Variants in QTMAN observed in about 807,000 individuals in gnomAD.
QTMAN encodes the protein tRNA-queuosine alpha-mannosyltransferase.
the QTMAN span, among the ~76,000 whole-genome samples, chr2:144,315,111 C>G: frequency 3.1e-4 from 47 of 152,180 alleles, no homozygotes; most frequent in Admixed American, 1.8e-3. Flanking sequence ...GTCTCAAACT[C>G]CGACCTCAGG....
the QTMAN span, among the ~76,000 whole-genome samples, chr2:143,953,469 C>G: frequency 6.6e-6 from 1 of 151,834 alleles, no homozygotes; most frequent in East Asian, 1.9e-4. Context: ...ATTCAGCTCA[C>G]TTTCCATTTT....
the QTMAN span, among the ~76,000 whole-genome samples, chr2:144,014,210 T>C: frequency 3.9e-5 from 6 of 152,186 alleles, no homozygotes; most frequent in African/African-American, 7.2e-5. Context: ...CACATGTCTA[T>C]GAAGGATGTT....
chr2:144,212,291 T>C, the QTMAN span, among the ~76,000 whole-genome samples: 1 of 152,068 alleles, frequency 6.6e-6, no homozygotes, highest in African/African-American at 2.4e-5. Context: ...GGTGAAAGCC[T>C]GTCTCTATGA....
the QTMAN span, among the ~76,000 whole-genome samples, chr2:144,322,841 T>A: frequency 6.6e-6 from 1 of 152,308 alleles, no homozygotes; most frequent in African/African-American, 2.4e-5. Flanking sequence ...AAATATTGGC[T>A]CACTGAGTTA....
At chr2:144,037,167 A>G in the QTMAN span, among the ~76,000 whole-genome samples, 1 of 152,192 alleles carries the variant, frequency 6.6e-6, no homozygotes. Context: ...AGTGATGGAA[A>G]TATTTTATGT....
the QTMAN span, among the ~76,000 whole-genome samples, chr2:144,235,418 A>G: frequency 4.6e-5 from 7 of 152,166 alleles, no homozygotes; most frequent in African/African-American, 1.7e-4. Flanking sequence ...AATATACATT[A>G]AAAGAAAAGT....
At chr2:143,940,024 C>T in the QTMAN span, 1 of 152,202 alleles carries the variant, frequency 6.6e-6, no homozygotes, top group African/African-American at 2.4e-5. Flanking sequence ...ATCCTACCTC[C>T]CCATTCCACT....
chr2:144,135,284 G>C, the QTMAN span, among the ~76,000 whole-genome samples: 5 of 152,144 alleles, frequency 3.3e-5, no homozygotes, highest in African/African-American at 1.2e-4. Context: ...CGCAGATGCA[G>C]CCTGCTCCAT....
the QTMAN span, among the ~76,000 whole-genome samples, chr2:144,226,247 T>A: frequency 6.6e-6 from 1 of 152,180 alleles, no homozygotes; most frequent in Non-Finnish European, 1.5e-5. Flanking sequence ...AAGCTACCCA[T>A]GTTAGAAGCA....
At chr2:144,287,395 C>T in the QTMAN span, among the ~76,000 whole-genome samples, 14 of 150,052 alleles carry the variant, frequency 9.3e-5, no homozygotes, top group South Asian at 2.1e-4. Context: ...GCCAAGATCG[C>T]GCCACTGCAC....
the QTMAN span, among the ~76,000 whole-genome samples, chr2:143,964,500 T>C: frequency 6.6e-6 from 1 of 152,158 alleles, no homozygotes; most frequent in Non-Finnish European, 1.5e-5. Flanking sequence ...ATTAGTAGCT[T>C]TCCTTTTGCT....
the QTMAN span, among the ~76,000 whole-genome samples, chr2:144,184,153 A>T: frequency 0.027 from 4,137 of 152,226 alleles, 177 homozygotes; most frequent in African/African-American, 0.095. Flanking sequence ...TTTTTTTATT[A>T]ATAACACCTG....
At chr2:143,993,539 C>T in the QTMAN span, among the ~76,000 whole-genome samples, 11 of 152,004 alleles carry the variant, frequency 7.2e-5, no homozygotes, top group Non-Finnish European at 1.5e-4. Flanking sequence ...GGAGATTTGA[C>T]ACAGACCAAA....
chr2:144,076,699 G>C, the QTMAN span, among the ~76,000 whole-genome samples: 1 of 152,088 alleles, frequency 6.6e-6, no homozygotes, highest in Non-Finnish European at 1.5e-5. Flanking sequence ...CTTAGAAAAA[G>C]AGAAAAACAG....
chr2:144,072,021 A>T, the QTMAN span, among the ~76,000 whole-genome samples: 1 of 152,202 alleles, frequency 6.6e-6, no homozygotes, highest in Non-Finnish European at 1.5e-5. Flanking sequence ...AAATCATCTC[A>T]GAGATTCTAC....
At chr2:144,065,322 C>T in the QTMAN span, among the ~76,000 whole-genome samples, 2 of 152,300 alleles carry the variant, frequency 1.3e-5, no homozygotes, top group South Asian at 2.1e-4. Flanking sequence ...TATCTTCTGT[C>T]TGCCTCTATA....
At chr2:144,125,414 T>C in the QTMAN span, among the ~76,000 whole-genome samples, 1 of 152,018 alleles carries the variant, frequency 6.6e-6, no homozygotes, top group African/African-American at 2.4e-5. Context: ...AATTCCAACT[T>C]AGGTAATTAC....
the QTMAN span, among the ~76,000 whole-genome samples, chr2:144,082,464 G>A: frequency 6.6e-6 from 1 of 152,196 alleles, no homozygotes; most frequent in East Asian, 1.9e-4. Context: ...AGCACTGGGG[G>A]GAAGGGGGTG....
chr2:144,057,782 C>A, the QTMAN span, among the ~76,000 whole-genome samples: 94 of 152,124 alleles, frequency 6.2e-4, 1 homozygote, highest in Admixed American at 5.5e-3. Flanking sequence ...GAAACTCCCA[C>A]ATGGAAACAT....
Sources: allele counts gnomAD v4.1 joint callset (sites outside exome capture counted in the v4.1 genomes callset), GRCh38; gene constraint gnomAD v4.1.1; transcripts MANE v1.5; gene names NCBI Gene and HGNC (gene_info 2026-07-23, HGNC 2026-07-21).